BTBD1: variants seen among roughly 807,000 people sequenced by gnomAD.
BTBD1 encodes the protein BTB domain containing 1, also known as BTB/POZ domain-containing protein 1.
In BTBD1, 34 loss-of-function variants were observed where a neutral mutation model predicts 48.0. That is an observed-to-expected ratio of 0.71 (90% CI 0.54 to 0.94). BTBD1 has a LOEUF of 0.94. Among genes scored for constraint, BTBD1 ranks in the 40% least tolerant of loss-of-function variants. The pLI is 0.00. For missense variants in BTBD1, 543 were observed against 625.6 expected (o/e 0.87, Z 1.41); for synonymous variants, 261 against 242.1 (o/e 1.08, Z -0.72).
At chr15:83,041,477 G>A (rs2032759099) in intron 4 of BTBD1, among the ~76,000 whole-genome samples, 1 of 151,882 alleles carries the variant, frequency 6.6e-6, no homozygotes, top group South Asian at 2.1e-4. Context: ...CTGGGTTCAA[G>A]CGATTCTCCT....
In BTBD1 at chr15:83,065,767, G is replaced by A. The variant is rs533952245; in HGVS notation, c.401+984C>T. Among the ~76,000 whole-genome samples the A allele has an allele frequency of 1.2e-4, 19 of 152,172 alleles. No homozygotes were observed. In the South Asian group the frequency reaches 3.3e-3, roughly 27 times the overall value. Reference sequence around the variant, plus strand: ...AACAATTCTTACGCCTCCCTAACAGGATGGCTGTGATTAAAAGCTAGTAAT... The same window carrying A: ...AACAATTCTTACGCCTCCCTAACAGAATGGCTGTGATTAAAAGCTAGTAAT... On this transcript the variant is annotated intron_variant, in intron 1 of 7. Transcript: ENST00000261721.
At chr15:83,057,393 G>C (rs2033105828) in intron 1 of BTBD1, among the ~76,000 whole-genome samples, 1 of 152,106 alleles carries the variant, frequency 6.6e-6, no homozygotes. Flanking sequence ...GTGGTTGTGA[G>C]GATTAACATA....
chr15:83,041,723 C>T lies in BTBD1; in HGVS notation c.862+5G>A, dbSNP rs2032763596. Reference sequence around the variant, plus strand: ...AAATAGATTTTGGTGAATTTATACCCTTACCTGCTGCAAATTCCTCAATTG... The same window carrying T: ...AAATAGATTTTGGTGAATTTATACCTTTACCTGCTGCAAATTCCTCAATTG... On this transcript the variant is annotated splice_donor_5th_base_variant and intron_variant, in intron 4 of 7. Transcript: ENST00000261721. 6.2e-7 allele frequency: 1 copy of T among 1,613,558 alleles called. No homozygotes were observed. Among genetic ancestry groups the T allele is most frequent in the East Asian group, 2.2e-5 (1 of 44,892 alleles).
At chr15:83,018,941 C>T (rs1170307777) in intron 6 of BTBD1, 88 bp from the exon 7 acceptor site, 10 of 712,450 alleles carry the variant, frequency 1.4e-5, no homozygotes, top group South Asian at 5.0e-5. Context: ...GCAATGTGTG[C>T]GTGTGTGTTT....
intron 7 of BTBD1, 135 bp downstream of exon 7, chr15:83,018,572 T>C: frequency 1.1e-6 from 1 of 932,840 alleles, no homozygotes; most frequent in Non-Finnish European, 1.6e-6. Context: ...CGGAAGGCAG[T>C]GGAATATTTT....
chr15:83,037,033 A>G (rs918333303), intron 4 of BTBD1, among the ~76,000 whole-genome samples: 5 of 152,208 alleles, frequency 3.3e-5, no homozygotes, highest in African/African-American at 1.2e-4. Flanking sequence ...TTTAATTTCA[A>G]AAGTTTATTT....
intron 4 of BTBD1, among the ~76,000 whole-genome samples, chr15:83,034,300 C>T (rs1258224589): frequency 6.6e-6 from 1 of 152,088 alleles, no homozygotes; most frequent in Non-Finnish European, 1.5e-5. Flanking sequence ...CCTTGAGAAA[C>T]TATACCAATA....
intron 3 of BTBD1, among the ~76,000 whole-genome samples, chr15:83,048,244 G>A (rs553459297): frequency 6.6e-6 from 1 of 152,290 alleles, no homozygotes; most frequent in Admixed American, 6.5e-5. Flanking sequence ...AAGGAAGACT[G>A]AAAACAGTTG....
chr15:83,054,387 C>A lies in BTBD1; in HGVS notation c.558+2002G>T, dbSNP rs376842175. Among the ~76,000 whole-genome samples, 7 of 152,118 alleles carry A rather than the reference C, an allele frequency of 4.6e-5. No individual in the cohort carries two copies. In the East Asian group the frequency reaches 1.4e-3, roughly 29 times the overall value. Reference sequence around the variant, plus strand: ...GGGACAATAATATTAAACTACATCACAGCATCATAGTGAGGAGTAAGTGCC... The same window carrying A: ...GGGACAATAATATTAAACTACATCAAAGCATCATAGTGAGGAGTAAGTGCC... On this transcript the variant is annotated intron_variant, in intron 2 of 7. Coordinates refer to ENST00000261721, the MANE Select transcript of BTBD1 (RefSeq NM_025238.4).
rs542048466 is a variant in BTBD1 at position 83,041,168 on chromosome 15, G to GA, written c.862+559dup. ...CTCTGTCTCAAAAAAAGAAAAAAAA[G>GA]AAAAAAAAAAAAAGCCAAAAAGATC... On this transcript the variant is annotated intron_variant, in intron 4 of 7. Transcript: ENST00000261721. Among the ~76,000 whole-genome samples, 891 of 104,804 alleles carry GA rather than the reference G, an allele frequency of 8.5e-3. 13 individuals carry two copies. The highest frequency in any genetic ancestry group is 0.06 in the South Asian group (217 of 3,604). 68.8% of individuals were successfully genotyped at this position (104,804 alleles called of 152,430 possible).
At position 83,053,139 on chromosome 15, in the gene BTBD1, C is replaced by T. The variant is rs371537147; in HGVS notation, c.559-2961G>A. On this transcript the variant is annotated intron_variant, in intron 2 of 7. Transcript: ENST00000261721. ...TAGGGTAAAATAAATTTTCTCAAAACGGACTTTGACTTTGGCATTCTCTTT... is the reference window on the plus strand; with the variant it reads ...TAGGGTAAAATAAATTTTCTCAAAATGGACTTTGACTTTGGCATTCTCTTT... 7.9e-5 allele frequency among the ~76,000 whole-genome samples: 12 copies of T among 152,184 alleles called. No homozygotes were observed. The South Asian group carries it at 2.3e-3, about 29-fold the overall frequency.
At chr15:83,059,845 G>A (rs187995326) in intron 1 of BTBD1, among the ~76,000 whole-genome samples, 1 of 152,276 alleles carries the variant, frequency 6.6e-6, no homozygotes, top group East Asian at 1.9e-4. Flanking sequence ...TCCCGCCTCA[G>A]CCTCCCCAAG....
intron 2 of BTBD1, among the ~76,000 whole-genome samples, chr15:83,050,882 A>G (rs1255767240): frequency 2.0e-5 from 3 of 152,168 alleles, no homozygotes; most frequent in Non-Finnish European, 4.4e-5. Context: ...GAACCACACA[A>G]ACCTAATGAT....
At position 83,018,070 on chromosome 15, in the gene BTBD1, T is replaced by C. The variant is rs2032206749; in HGVS notation, c.1446A>G (p.Thr482=). The C allele has an allele frequency of 6.3e-7, 1 of 1,597,660 alleles. No individual in the cohort carries two copies. Among genetic ancestry groups the C allele is most frequent in the South Asian group, 1.1e-5 (1 of 88,826 alleles). The change falls in exon 8 of 8, where the codon ACA becomes ACG. Residue 482 remains threonine, a synonymous_variant. Transcript: ENST00000261721. ...DGQIPEIIFY[T] ...CAAGATGTATTATAATGCTAAATTATGTATAAAATATGATTTCTGGAATTT... is the reference window on the plus strand; with the variant it reads ...CAAGATGTATTATAATGCTAAATTACGTATAAAATATGATTTCTGGAATTT...
rs1214545914 is a variant in BTBD1, at chr15:83,067,176, T to G, written c.-25A>C. The G allele has an allele frequency of 2.1e-5, 29 of 1,392,620 alleles. No homozygotes were observed. Among genetic ancestry groups the G allele is most frequent in the Non-Finnish European group, 2.7e-5 (29 of 1,076,436 alleles). The allele number at this position is 1,392,620 out of a possible 1,614,324, so 86.3% of individuals were successfully genotyped here. On this transcript the variant is annotated 5_prime_UTR_variant, in exon 1 of 8. The change abolishes the stop of an existing upstream ORF in the 5' untranslated region. Transcript: ENST00000261721. ...TCCTCCAGCTGCGCGGTTGCCCACGTTATGGACAAAACTCCGCCGCCATCG... is the reference window on the plus strand; with the variant it reads ...TCCTCCAGCTGCGCGGTTGCCCACGGTATGGACAAAACTCCGCCGCCATCG...
At chr15:83,055,125 T>C (rs2033061107) in intron 2 of BTBD1, among the ~76,000 whole-genome samples, 2 of 152,158 alleles carry the variant, frequency 1.3e-5, no homozygotes, top group African/African-American at 2.4e-5. Context: ...AGAAAAAAAC[T>C]GTTGATATAC....
Position 83,017,268 on chromosome 15 carries a change from T to C in BTBD1, c.*799A>G, listed in dbSNP as rs2032188357. 1 of 152,648 alleles carries C rather than the reference T, an allele frequency of 6.6e-6. No individual in the cohort carries two copies. Among genetic ancestry groups the C allele is most frequent in the African/African-American group, 2.4e-5 (1 of 41,460 alleles). The allele number at this position is 152,648 out of a possible 1,614,324, so 9.5% of individuals were successfully genotyped here. ...GTTGAAGTGATGGCTGTTCACCCAG[T>C]CGTCATCACCGTCATCATCTCAATC... On this transcript the variant is annotated 3_prime_UTR_variant, in exon 8 of 8. Coordinates refer to ENST00000261721, the MANE Select transcript of BTBD1 (RefSeq NM_025238.4).
chr15:83,026,584 G>A (rs1438542522), intron 5 of BTBD1, among the ~76,000 whole-genome samples: 1 of 137,740 alleles, frequency 7.3e-6, no homozygotes, highest in Non-Finnish European at 1.5e-5. Context: ...GTGCAATGGT[G>A]CAATATTGGC....
In BTBD1 at chr15:83,034,349, G is replaced by A. The variant is rs182033641; in HGVS notation, c.863-4021C>T. ...TTAAAACAAGAAGTTTAGGCCAGGC[G>A]TGGTGGCTCATGCCAGAATGTTGGG... On this transcript the variant is annotated intron_variant, in intron 4 of 7. Transcript: ENST00000261721. 1.6e-4 allele frequency among the ~76,000 whole-genome samples: 24 copies of A among 152,272 alleles called. No individual in the cohort carries two copies. The East Asian group carries it at 2.9e-3, about 18-fold the overall frequency.
Sources: allele counts gnomAD v4.1 joint callset (sites outside exome capture counted in the v4.1 genomes callset), GRCh38; gene constraint gnomAD v4.1.1; transcripts MANE v1.5; gene names NCBI Gene and HGNC (gene_info 2026-07-23, HGNC 2026-07-21).